The following CHD4 variants were observed in gnomAD, a reference collection of about 807,000 sequenced individuals.
CHD4 encodes chromodomain helicase DNA binding protein 4, also known as ATP-dependent chromatin remodeler CHD4.
A neutral mutation model predicts 235.5 loss-of-function variants in CHD4; 35 were observed. The observed-to-expected ratio is 0.15, with a 90% CI of 0.11 to 0.20. The LOEUF (loss-of-function observed/expected upper bound fraction) is 0.20, where lower values mean the gene tolerates loss of function less well. Among genes scored for constraint, CHD4 ranks in the 10% least tolerant of loss-of-function variants. The pLI, the probability that CHD4 is intolerant of heterozygous loss-of-function variation, is 1.00. For missense variants in CHD4, 1,329 were observed against 2,432.3 expected (o/e 0.55, Z 9.54); for synonymous variants, 900 against 850.2 (o/e 1.06, Z -1.02).
At chr12:6,577,720 GC>G in intron 37 of CHD4, 64 bp downstream of exon 37, 1 of 1,596,306 alleles carries the variant, frequency 6.3e-7, no homozygotes, top group South Asian at 1.1e-5. Flanking sequence ...GACTCCCTCT[GC>G]TGCAGGACGT....
Position 6,600,610 on chromosome 12 carries a change from A to G in CHD4, c.987T>C (p.Tyr329=). The part of the protein sequence containing the change: ...SDFDDASINS[Y]SVSDGSTSRS... ...GGCTGGTGGAACCATCAGAAACAGAATAGCTATTGATACTGGCATCATCGA... is the reference window on the plus strand; with the variant it reads ...GGCTGGTGGAACCATCAGAAACAGAGTAGCTATTGATACTGGCATCATCGA... Residue 329 remains tyrosine (Y), a synonymous_variant, in exon 8 of 40, where the codon TAT becomes TAC. Coordinates refer to ENST00000544040, the MANE Select transcript of CHD4 (RefSeq NM_001273.5). 6.2e-7 allele frequency: 1 copy of G among 1,614,082 alleles called. No individual in the cohort carries two copies. The highest frequency in any genetic ancestry group is 8.5e-7 in the Non-Finnish European group (1 of 1,180,032).
chr12:6,601,372 C>T lies in CHD4; in HGVS notation c.716G>A (p.Ser239Asn). The change falls in exon 6 of 40, where the codon AGC becomes AAC. Residue 239 changes from serine (S) to asparagine (N), a missense_variant. By Grantham distance (46) the Ser-to-Asn change is conservative (BLOSUM62 1). Around this residue, in one of 26 missense-constraint regions of CHD4, gnomAD observed 160 missense variants for 196.6 expected, o/e 0.81. Coordinates refer to ENST00000544040, the MANE Select transcript of CHD4 (RefSeq NM_001273.5). Reference sequence around the variant, plus strand: ...TGCAACCTCAGTGGCTGTCACCATGCTCTCCACCACAGCTACCGCTGCTGC... The same window carrying T: ...TGCAACCTCAGTGGCTGTCACCATGTTCTCCACCACAGCTACCGCTGCTGC... The part of the protein sequence containing the change: ...AAAAAVAVVE[S>N]MVTATEVAPP... 6.2e-7 allele frequency: 1 copy of T among 1,614,174 alleles called. No homozygotes were observed. Among genetic ancestry groups the T allele is most frequent in the South Asian group, 1.1e-5 (1 of 91,086 alleles).
At chr12:6,606,247 G>A in intron 2 of CHD4, 27 bp downstream of exon 2, 1 of 1,462,196 alleles carries the variant, frequency 6.8e-7, no homozygotes, top group Non-Finnish European at 9.5e-7. Flanking sequence ...TCTCCTTCCC[G>A]CCATGGGCCC....
chr12:6,576,785 G>T (rs1948078878), intron 37 of CHD4, among the ~76,000 whole-genome samples: 1 of 152,174 alleles, frequency 6.6e-6, no homozygotes, highest in Admixed American at 6.5e-5. Context: ...GATTACACAT[G>T]TGCTCCTACT....
At chr12:6,595,162 T>C (rs543865611) in intron 14 of CHD4, among the ~76,000 whole-genome samples, 172 bp downstream of exon 14, 84 of 152,132 alleles carry the variant, frequency 5.5e-4, no homozygotes, top group African/African-American at 2.0e-3. Flanking sequence ...AAAGTAATCC[T>C]AGTGCTTTCT....
chr12:6,573,552 C>T (rs949494285), intron 37 of CHD4: 1 of 251,990 alleles, frequency 4.0e-6, no homozygotes, highest in African/African-American at 2.2e-5. Flanking sequence ...AAATTTTTAA[C>T]AACAGATAAT....
intron 27 of CHD4, 23 bp from the exon 28 acceptor site, chr12:6,582,959 G>A (rs768105598): frequency 1.2e-6 from 2 of 1,612,454 alleles, no homozygotes; most frequent in Non-Finnish European, 1.7e-6. Context: ...AAAGATGAAT[G>A]AGTGACACAG....
chr12:6,607,219 G>A (rs906436176), intron 1 of CHD4, 81 bp downstream of exon 1: 4 of 152,144 alleles, frequency 2.6e-5, no homozygotes, highest in African/African-American at 9.7e-5. Flanking sequence ...GACGCCTGAG[G>A]AAGGGGCGGG....
intron 2 of CHD4, among the ~76,000 whole-genome samples, 198 bp from the exon 3 acceptor site, chr12:6,602,695 G>C (rs1031594470): frequency 6.6e-6 from 1 of 152,144 alleles, no homozygotes; most frequent in East Asian, 1.9e-4. Flanking sequence ...ACCCGAAATA[G>C]GCCTGCCAGG....
At chr12:6,606,532 G>A (rs1210870251) in intron 1 of CHD4, 81 bp from the exon 2 acceptor site, 27 of 503,932 alleles carry the variant, frequency 5.4e-5, no homozygotes, top group Non-Finnish European at 1.4e-5. Context: ...CGCTCTTTCC[G>A]CCCCCCACCC....
intron 37 of CHD4, among the ~76,000 whole-genome samples, chr12:6,573,636 A>G (rs1948017560): frequency 6.6e-6 from 1 of 152,300 alleles, no homozygotes; most frequent in East Asian, 1.9e-4. Flanking sequence ...CATAACTGAG[A>G]TCATACTATA....
chr12:6,580,711 A>AAAAAACAAAAC (rs1555163979), intron 33 of CHD4: 20 of 209,828 alleles, frequency 9.5e-5, no homozygotes, highest in Non-Finnish European at 1.2e-4. Flanking sequence ...TTTGAAAAAA[A>AAAAAACAAAAC]AAAAAAAAAA....
chr12:6,592,126 C>T (rs985306285), intron 19 of CHD4, 69 bp from the exon 20 acceptor site: 4 of 1,572,796 alleles, frequency 2.5e-6, no homozygotes, highest in Non-Finnish European at 3.5e-6. Flanking sequence ...GCAGTGCCAA[C>T]AACTGAGATC....
In CHD4 at chr12:6,599,767, A is replaced by C; in HGVS notation, c.1482+6T>G. 6.2e-7 allele frequency: 1 copy of C among 1,614,110 alleles called. No homozygotes were observed. The highest frequency in any genetic ancestry group is 8.5e-7 in the Non-Finnish European group (1 of 1,180,018). ...TTTTTTGCCCCGGCTGAGATCAGTCACTCACCGTACAACGGGGACAGAGCC... is the reference window on the plus strand; with the variant it reads ...TTTTTTGCCCCGGCTGAGATCAGTCCCTCACCGTACAACGGGGACAGAGCC... On this transcript the variant is annotated splice_donor_region_variant and intron_variant, in intron 10 of 39. Transcript: ENST00000544040.
chr12:6,577,427 AAAAAAAAAAAAAC>A (rs1461031327), intron 37 of CHD4, among the ~76,000 whole-genome samples: 1 of 140,286 alleles, frequency 7.1e-6, no homozygotes, highest in Admixed American at 6.9e-5. Flanking sequence ...CAAAAAAAAA[AAAAAAAAAAAAAC>A]AACCAGCAGC....
At chr12:6,584,415 T>G (rs1948246254) in intron 25 of CHD4, 1 of 152,190 alleles carries the variant, frequency 6.6e-6, no homozygotes. Flanking sequence ...TATATATTTT[T>G]TTGAGAGAGG....
At chr12:6,599,001 G>A (rs537283080) in intron 10 of CHD4, among the ~76,000 whole-genome samples, 5 of 152,260 alleles carry the variant, frequency 3.3e-5, no homozygotes, top group South Asian at 2.1e-4. Context: ...CAGGATTTGC[G>A]TGCCACCATC....
At chr12:6,607,188 G>C (rs1948719848) in intron 1 of CHD4, 112 bp downstream of exon 1, 1 of 152,340 alleles carries the variant, frequency 6.6e-6, no homozygotes, top group Non-Finnish European at 1.5e-5. Flanking sequence ...CTCTGGGCAA[G>C]GGGCGGTCCG....
intron 37 of CHD4, among the ~76,000 whole-genome samples, chr12:6,574,212 C>G (rs1948029070): frequency 6.6e-6 from 1 of 152,074 alleles, no homozygotes; most frequent in African/African-American, 2.4e-5. Context: ...TTTTCTGTAT[C>G]TATAAAATGC....
Sources: allele counts gnomAD v4.1 joint callset (sites outside exome capture counted in the v4.1 genomes callset), GRCh38; gene constraint gnomAD v4.1.1; regional missense constraint gnomAD v4.1.1; transcripts MANE v1.5; gene names NCBI Gene and HGNC (gene_info 2026-07-23, HGNC 2026-07-21).